SLC22A15: variants seen among roughly 807,000 people sequenced by gnomAD.
SLC22A15 encodes the protein flipt 1.
Under a neutral mutation model 62.7 loss-of-function variants are expected in SLC22A15, and 45 were observed. That is an observed-to-expected ratio of 0.72 (90% CI 0.56 to 0.92). The LOEUF (loss-of-function observed/expected upper bound fraction) is 0.92. Ranked by LOEUF, SLC22A15 falls within the 40% of genes least tolerant of loss-of-function variation. SLC22A15 has a pLI of 0.00. For missense variants in SLC22A15, 622 were observed against 665.6 expected, an observed-to-expected ratio of 0.93 and a Z score of 0.72; for synonymous variants, 264 against 267.0, an observed-to-expected ratio of 0.99 and a Z score of 0.11.
chr1:116,017,087 C>A (rs1312798536), intron 2 of SLC22A15, among the ~76,000 whole-genome samples: 2 of 152,152 alleles, frequency 1.3e-5, no homozygotes, highest in African/African-American at 4.8e-5. Flanking sequence ...TAATTTCATA[C>A]CACCTCCACT....
In SLC22A15 at chr1:115,992,144, T is replaced by C. The variant is rs773184542; in HGVS notation, c.201T>C (p.Gly67=). The C allele has an allele frequency of 6.2e-7, 1 of 1,613,628 alleles. No homozygotes were observed. The highest frequency in any genetic ancestry group is 8.5e-7 in the Non-Finnish European group (1 of 1,179,752). The change falls in exon 2 of 12, where the codon GGT becomes GGC. Residue 67 remains glycine (G), a synonymous_variant. Transcript: ENST00000369503. ...AGAGCCACGGTAACCAGTCAGCTGG[T>C]GAAGACCAGGCCTTTGGGGACTGGC... ...PNQSHGNQSA[G]EDQAFGDWLL...
chr1:116,049,338 A>G (rs1044149445), intron 8 of SLC22A15, among the ~76,000 whole-genome samples: 1 of 152,228 alleles, frequency 6.6e-6, no homozygotes, highest in Admixed American at 6.5e-5. Flanking sequence ...AAGATAGACT[A>G]TATGATAAGC....
intron 8 of SLC22A15, among the ~76,000 whole-genome samples, chr1:116,059,303 A>G (rs1045425709): frequency 9.2e-5 from 14 of 152,210 alleles, no homozygotes; most frequent in African/African-American, 3.4e-4. Flanking sequence ...TACACTTACT[A>G]TATGACCCAG....
intron 4 of SLC22A15, among the ~76,000 whole-genome samples, chr1:116,023,853 A>G (rs1656960895): frequency 6.6e-6 from 1 of 152,150 alleles, no homozygotes; most frequent in Non-Finnish European, 1.5e-5. Flanking sequence ...GGAGAAGTAT[A>G]TTCTAGCTAG....
In SLC22A15 at chr1:116,026,997, G is replaced by A. The variant is rs1028253576; in HGVS notation, c.703G>A (p.Gly235Arg). The A allele has an allele frequency of 6.2e-7, 1 of 1,613,806 alleles. No homozygotes were observed. The highest frequency in any genetic ancestry group is 1.3e-5 in the African/African-American group (1 of 75,022). ...RTLAILVNLQ[G>R]TVVFLLSLFI... is the part of the protein sequence containing the mutation. ...CCTAGCCATTCTGGTTAACCTGCAG[G>A]GAACGGTGGTCTTTCTCTTATCTTT... Residue 235 changes from glycine (G) to arginine (R), a missense_variant, in exon 5 of 12, where the codon GGA (glycine) becomes AGA (arginine). Gly to Arg is a moderately radical substitution (Grantham distance 125). Coordinates refer to ENST00000369503, the MANE Select transcript of SLC22A15 (RefSeq NM_018420.3).
In SLC22A15 at chr1:115,992,624, C is replaced by CTT. The variant is rs11378927; in HGVS notation, c.300+395_300+396dup. ...ACACCCATAGTTCTTTTTTTCTTTT[C>CTT]TTTTTTTTTTTTTTTGAGACGGAGT... On this transcript the variant is annotated intron_variant, in intron 2 of 11. Transcript: ENST00000369503. Among the ~76,000 whole-genome samples, 945 of 137,458 alleles carry CTT rather than the reference C, an allele frequency of 6.9e-3. 7 individuals are homozygous for CTT. Among genetic ancestry groups the CTT allele is most frequent in the African/African-American group, 8.0e-3 (303 of 38,008 alleles). 90.2% of individuals were successfully genotyped at this position (137,458 alleles called of 152,430 possible). A position where few individuals can be genotyped will look rare whatever the true frequency, so the allele number is the denominator to read the frequency against.
intron 8 of SLC22A15, among the ~76,000 whole-genome samples, chr1:116,042,035 C>T (rs1016248934): frequency 8.0e-5 from 12 of 150,594 alleles, no homozygotes; most frequent in Admixed American, 8.0e-4. Flanking sequence ...AACTGCATCA[C>T]GGAACAAAGA....
In SLC22A15 at chr1:116,067,124, C is replaced by A; in HGVS notation, c.*16C>A. On this transcript the variant is annotated 3_prime_UTR_variant, in exon 12 of 12. Transcript: ENST00000369503. Reference sequence around the variant, plus strand: ...GATCAAGTGAAGAGCCCCAGATTCCCCCTAAGAAGCAAAGGATCGTCTTTT... The same window carrying A: ...GATCAAGTGAAGAGCCCCAGATTCCACCTAAGAAGCAAAGGATCGTCTTTT... 1 of 1,597,302 alleles carries A rather than the reference C, an allele frequency of 6.3e-7. No individual in the cohort carries two copies. Among genetic ancestry groups the A allele is most frequent in the African/African-American group, 1.3e-5 (1 of 74,732 alleles).
At chr1:116,014,790 A>C (rs923742808) in intron 2 of SLC22A15, among the ~76,000 whole-genome samples, 3 of 152,216 alleles carry the variant, frequency 2.0e-5, no homozygotes, top group Admixed American at 6.5e-5. Flanking sequence ...CACACTTATC[A>C]TATTTAGGTT....
intron 2 of SLC22A15, among the ~76,000 whole-genome samples, chr1:116,009,901 C>G (rs1300683895): frequency 6.6e-6 from 1 of 152,100 alleles, no homozygotes; most frequent in Admixed American, 6.5e-5. Context: ...AGAGATTCTA[C>G]GAAACTCTAT....
intron 5 of SLC22A15, among the ~76,000 whole-genome samples, chr1:116,028,603 A>C (rs180764245): frequency 1.4e-5 from 2 of 141,928 alleles, no homozygotes; most frequent in Admixed American, 7.7e-5. Flanking sequence ...ACATCTCCTC[A>C]CTGGGAGGTG....
chr1:116,057,989 A>G (rs1460713004), intron 8 of SLC22A15, among the ~76,000 whole-genome samples: 2 of 152,034 alleles, frequency 1.3e-5, no homozygotes, highest in East Asian at 3.9e-4. Context: ...GCACACCAAC[A>G]TGGCACATGT....
chr1:116,066,502 C>T lies in SLC22A15; in HGVS notation c.1366-18C>T. ...CTAATTCTCTGGTTTATTTTCATTC[C>T]ACTCCCCGCCTCTGCAGAAATATGT... On this transcript the variant is annotated intron_variant, in intron 10 of 11. Transcript: ENST00000369503. 1 of 1,483,668 alleles carries T rather than the reference C, an allele frequency of 6.7e-7. No individual in the cohort carries two copies. The highest frequency in any genetic ancestry group is 9.1e-7 in the Non-Finnish European group (1 of 1,102,980). 91.9% of individuals were successfully genotyped at this position (1,483,668 alleles called of 1,614,324 possible).
At chr1:116,016,047 C>G (rs1432545744) in intron 2 of SLC22A15, among the ~76,000 whole-genome samples, 1 of 152,004 alleles carries the variant, frequency 6.6e-6, no homozygotes, top group African/African-American at 2.4e-5. Flanking sequence ...CTCTTTTAAT[C>G]TCTTTTATAT....
intron 4 of SLC22A15, among the ~76,000 whole-genome samples, chr1:116,021,985 T>G (rs1190260718): frequency 6.6e-6 from 1 of 152,198 alleles, no homozygotes; most frequent in Non-Finnish European, 1.5e-5. Context: ...GGTGTTGTTT[T>G]TGAAGTGTAT....
intron 5 of SLC22A15, 96 bp from the exon 6 acceptor site, chr1:116,031,270 G>T: frequency 1.1e-6 from 1 of 871,596 alleles, no homozygotes. Context: ...AATCCCATTT[G>T]TGGTGCAGGA....
At chr1:116,041,298 C>G (rs777527799) in intron 8 of SLC22A15, among the ~76,000 whole-genome samples, 2 of 151,950 alleles carry the variant, frequency 1.3e-5, no homozygotes, top group Admixed American at 1.3e-4. Context: ...TTCCTGGTCT[C>G]AAAGAATTTA....
intron 8 of SLC22A15, among the ~76,000 whole-genome samples, chr1:116,051,953 T>C (rs959369130): frequency 2.0e-5 from 3 of 152,210 alleles, no homozygotes; most frequent in African/African-American, 7.2e-5. Context: ...ACAGCTCTGG[T>C]CTACAGCTCC....
At position 116,037,462 on chromosome 1, in the gene SLC22A15, T is replaced by A; in HGVS notation, c.1171+74T>A. ...AATGAATCATAATATAGTGGAGAGA[T>A]GACCATATGGCATGCTTCATTTCTG... is the stretch of plus-strand genomic sequence containing the variant. On this transcript the variant is annotated intron_variant, in intron 8 of 11. Coordinates refer to ENST00000369503, the MANE Select transcript of SLC22A15 (RefSeq NM_018420.3). 14 of 1,084,144 alleles carry A rather than the reference T, an allele frequency of 1.3e-5. No individual in the cohort carries two copies. In the South Asian group the frequency reaches 1.8e-4, roughly 14 times the overall value. 67.2% of individuals were successfully genotyped at this position (1,084,144 alleles called of 1,614,324 possible).
Sources: allele counts gnomAD v4.1 joint callset (sites outside exome capture counted in the v4.1 genomes callset), GRCh38; gene constraint gnomAD v4.1.1; transcripts MANE v1.5; gene names NCBI Gene and HGNC (gene_info 2026-07-23, HGNC 2026-07-21).